ADCY3: variants seen among roughly 807,000 people sequenced by gnomAD.
ADCY3 encodes the protein adenylate cyclase 3, also known as adenylate cyclase type 3.
A neutral mutation model predicts 119.4 loss-of-function variants in ADCY3; 70 were observed. The observed-to-expected ratio is 0.59, with a 90% CI of 0.48 to 0.72. The LOEUF is 0.72. ADCY3 is among the 30% of genes least tolerant of loss of function. ADCY3 has a pLI of 0.00. For missense variants in ADCY3, 1,238 were observed against 1,541.6 expected, an observed-to-expected ratio of 0.80 and a Z score of 3.30; for synonymous variants, 672 against 621.4, an observed-to-expected ratio of 1.08 and a Z score of -1.21.
intron 3 of ADCY3, among the ~76,000 whole-genome samples, chr2:24,850,342 T>G (rs574053907): frequency 6.6e-6 from 1 of 152,280 alleles, no homozygotes; most frequent in South Asian, 2.1e-4. Flanking sequence ...AGAAGATCCC[T>G]GATTACCATT....
chr2:24,839,510 C>T (rs1179116631), intron 7 of ADCY3, among the ~76,000 whole-genome samples: 2 of 152,204 alleles, frequency 1.3e-5, no homozygotes, highest in Non-Finnish European at 2.9e-5. Flanking sequence ...CTGATGACTG[C>T]TCATTACTCT....
At position 24,842,644 on chromosome 2, in the gene ADCY3, C is replaced by T. The variant is rs1346849010; in HGVS notation, c.826-260G>A. ...CCAGAAACGCAGTGAAGCATCCCAACGTGGCTCTGTGCTCAGCATCCTCGT... is the reference window on the plus strand; with the variant it reads ...CCAGAAACGCAGTGAAGCATCCCAATGTGGCTCTGTGCTCAGCATCCTCGT... On this transcript the variant is annotated intron_variant, in intron 3 of 21. Transcript: ENST00000679454. This position sits in a 1 kb window ranked among gnomAD's most constrained non-coding sequence, Gnocchi z 4.9. The T allele has an allele frequency of 2.1e-5, 10 of 468,644 alleles. No individual in the cohort carries two copies. Among genetic ancestry groups the T allele is most frequent in the Admixed American group, 1.7e-4 (5 of 29,928 alleles). 29.0% of individuals were successfully genotyped at this position (468,644 alleles called of 1,614,324 possible). A position where few individuals can be genotyped will look rare whatever the true frequency, so the allele number is the denominator to read the frequency against.
chr2:24,894,374 C>T (rs1346582694), intron 2 of ADCY3, among the ~76,000 whole-genome samples: 1 of 152,066 alleles, frequency 6.6e-6, no homozygotes, highest in Non-Finnish European at 1.5e-5. Flanking sequence ...ACTTGGGAGG[C>T]TGAGGCAGGA....
At chr2:24,879,214 T>G (rs1167772602) in intron 2 of ADCY3, among the ~76,000 whole-genome samples, 1 of 152,082 alleles carries the variant, frequency 6.6e-6, no homozygotes, top group African/African-American at 2.4e-5. Flanking sequence ...GGCTCATGCC[T>G]GTAATCCCAG....
rs202180321 is a variant in ADCY3, at chr2:24,842,343, G to A, written c.867C>T (p.Asp289=). ...CTTTCTTCATGTCTTTCAGCATCTC[G>A]TCAGCCACGTGCTTGGGCAGGATGG... ...MLSILPKHVA[D]EMLKDMKKDE... The change falls in exon 4 of 22, where the codon GAC becomes GAT. Residue 289 remains aspartate, a synonymous_variant. Coordinates refer to ENST00000679454, the MANE Select transcript of ADCY3 (RefSeq NM_004036.5). The surrounding 1 kb of genome is among the most constrained non-coding windows in gnomAD (Gnocchi z 4.9). 671 of 1,614,014 alleles carry A rather than the reference G, an allele frequency of 4.2e-4. 1 individual carries two copies. The highest frequency in any genetic ancestry group is 5.3e-4 in the Non-Finnish European group (626 of 1,180,050).
At chr2:24,829,672 T>G (rs1669184182) in intron 13 of ADCY3, among the ~76,000 whole-genome samples, 1 of 151,958 alleles carries the variant, frequency 6.6e-6, no homozygotes, top group South Asian at 2.1e-4. Flanking sequence ...TCCGCCCGCC[T>G]TGGCCTCCCA....
Position 24,878,480 on chromosome 2 carries a change from GAGA to G in ADCY3, c.676-5764_676-5762del, listed in dbSNP as rs1038307902. Among the ~76,000 whole-genome samples, 2 of 152,282 alleles carry G rather than the reference GAGA, an allele frequency of 1.3e-5. No homozygotes were observed. Among genetic ancestry groups the G allele is most frequent in the African/African-American group, 4.8e-5 (2 of 41,564 alleles). On this transcript the variant is annotated intron_variant, in intron 2 of 21. Transcript: ENST00000679454. The surrounding 1 kb of genome is among the most constrained non-coding windows in gnomAD (Gnocchi z 4.0). ...GGTTCCAGAACACTCTGGAACTGTG[GAGA>G]AGAAGCTGAGCAAGAGAAAGCTGCT...
intron 3 of ADCY3, among the ~76,000 whole-genome samples, chr2:24,852,708 G>A (rs144136746): frequency 2.6e-5 from 4 of 152,366 alleles, no homozygotes; most frequent in South Asian, 2.1e-4. Context: ...GCCTCTCCAC[G>A]GCCAGGAGCC....
At chr2:24,840,421 G>A (rs752332189) in intron 6 of ADCY3, 8 of 387,676 alleles carry the variant, frequency 2.1e-5, no homozygotes, top group African/African-American at 1.5e-4. Context: ...CTGCCTGAAC[G>A]TGTCTGACAG....
intron 2 of ADCY3, among the ~76,000 whole-genome samples, chr2:24,901,561 G>A (rs1678902900): frequency 6.6e-6 from 1 of 152,104 alleles, no homozygotes; most frequent in South Asian, 2.1e-4. Context: ...AATGTAGGGG[G>A]ATTCTGTACC....
rs998213919 is a variant in ADCY3, at chr2:24,842,735, C to T, written c.826-351G>A. ...GTGAGCCCTCCCGGCAGGAGCCCTG[C>T]GGGGTCACCTCAGCCACCCGCCACG... is the stretch of plus-strand genomic sequence containing the variant. On this transcript the variant is annotated intron_variant, in intron 3 of 21. Coordinates refer to ENST00000679454, the MANE Select transcript of ADCY3 (RefSeq NM_004036.5). This position sits in a 1 kb window ranked among gnomAD's most constrained non-coding sequence, Gnocchi z 4.9. 27 of 297,208 alleles carry T rather than the reference C, an allele frequency of 9.1e-5. 1 individual carries two copies. Among genetic ancestry groups the T allele is most frequent in the Non-Finnish European group, 1.6e-4 (25 of 151,710 alleles). The allele number at this position is 297,208 out of a possible 1,614,324, so 18.4% of individuals were successfully genotyped here.
intron 17 of ADCY3, among the ~76,000 whole-genome samples, chr2:24,823,783 C>T (rs1359358823): frequency 6.6e-6 from 1 of 151,916 alleles, no homozygotes; most frequent in Non-Finnish European, 1.5e-5. Flanking sequence ...CCTCCACCTC[C>T]CGGGTTCAAG....
Position 24,837,004 on chromosome 2 carries a change from G to A in ADCY3, c.1575C>T (p.Ser525=), listed in dbSNP as rs775238287. 1.2e-6 allele frequency: 2 copies of A among 1,614,118 alleles called. No individual in the cohort carries two copies. The highest frequency in any genetic ancestry group is 4.5e-5 in the East Asian group (2 of 44,880). Residue 525 remains serine, a synonymous_variant, in exon 9 of 22, where the codon TCC becomes TCT. Transcript: ENST00000679454. Reference sequence around the variant, plus strand: ...GCTCCTTGGTCTCAATGAGGGCAGGGGAGCTGGACTTTGAGGAAGCTGGTG... The same window carrying A: ...GCTCCTTGGTCTCAATGAGGGCAGGAGAGCTGGACTTTGAGGAAGCTGGTG... ...NGAPASSKSS[S]PALIETKEPN...
chr2:24,913,534 G>T (rs935565378), intron 2 of ADCY3, among the ~76,000 whole-genome samples: 3 of 152,148 alleles, frequency 2.0e-5, no homozygotes, highest in Non-Finnish European at 2.9e-5. Context: ...CCCCTCCCCT[G>T]TAATCCAGCC....
chr2:24,832,932 C>T (rs954084990), intron 11 of ADCY3, among the ~76,000 whole-genome samples: 1 of 152,188 alleles, frequency 6.6e-6, no homozygotes, highest in Non-Finnish European at 1.5e-5. Flanking sequence ...GATCAGAAGC[C>T]CAGGAGACAT....
At chr2:24,839,316 C>T (rs1220056515) in intron 7 of ADCY3, among the ~76,000 whole-genome samples, 1 of 152,236 alleles carries the variant, frequency 6.6e-6, no homozygotes, top group Non-Finnish European at 1.5e-5. Flanking sequence ...TGAGGAGTCA[C>T]CACTGAGGCC....
chr2:24,894,408 G>C lies in ADCY3; in HGVS notation c.676-21689C>G, dbSNP rs1678025514. Among the ~76,000 whole-genome samples, 3 of 152,146 alleles carry C rather than the reference G, an allele frequency of 2.0e-5. No individual in the cohort carries two copies. In the South Asian group the frequency reaches 6.2e-4, roughly 32 times the overall value. ...GAGAAGACCTTGAGCCCAGGAGGTT[G>C]AGGCTACAGTGAGCTATAATTGTGC... On this transcript the variant is annotated intron_variant, in intron 2 of 21. Transcript: ENST00000679454.
chr2:24,911,603 T>A (rs1481563144), intron 2 of ADCY3, among the ~76,000 whole-genome samples: 1 of 128,438 alleles, frequency 7.8e-6, no homozygotes, highest in African/African-American at 3.2e-5. Context: ...TGAGCCAAGA[T>A]AGCATCATTG....
Position 24,831,655 on chromosome 2 carries a change from C to T in ADCY3, c.2055+7G>A, listed in dbSNP as rs746964307. ...GCTTCTGAGCTCAGTAGAAAAGTGC[C>T]TCTTACCCGGGGAAAGATGGCAGCC... On this transcript the variant is annotated splice_region_variant and intron_variant, in intron 12 of 21. Coordinates refer to ENST00000679454, the MANE Select transcript of ADCY3 (RefSeq NM_004036.5). The T allele has an allele frequency of 9.3e-6, 15 of 1,612,956 alleles. No homozygotes were observed. The Admixed American group carries it at 2.3e-4, about 25-fold the overall frequency.
Sources: allele counts gnomAD v4.1 joint callset (sites outside exome capture counted in the v4.1 genomes callset), GRCh38; gene constraint gnomAD v4.1.1; non-coding constraint Gnocchi (gnomAD v3.1); transcripts MANE v1.5; gene names NCBI Gene and HGNC (gene_info 2026-07-23, HGNC 2026-07-21).